Variants in NFIC observed in about 807,000 individuals in gnomAD.
NFIC encodes the protein nuclear factor 1 C-type.
Under a neutral mutation model 54.4 loss-of-function variants are expected in NFIC, and 12 were observed. The observed-to-expected ratio is 0.22, with a 90% CI of 0.14 to 0.36. The LOEUF is 0.36. NFIC is among the 10% of genes least tolerant of loss of function. The pLI, the probability that NFIC is intolerant of heterozygous loss-of-function variation, is 1.00. For synonymous variants in NFIC, 322 were observed against 319.2 expected, an observed-to-expected ratio of 1.01 and a Z score of -0.09; for missense variants, 575 against 718.2, an observed-to-expected ratio of 0.80 and a Z score of 2.28.
intron 2 of NFIC, among the ~76,000 whole-genome samples, chr19:3,394,089 G>C (rs34189175): frequency 1.3e-5 from 2 of 151,144 alleles, no homozygotes; most frequent in Non-Finnish European, 2.9e-5. Flanking sequence ...TCAGCTTCCC[G>C]AGTAGTAACA....
intron 2 of NFIC, among the ~76,000 whole-genome samples, chr19:3,384,880 C>T (rs1367112267): frequency 6.6e-6 from 1 of 152,164 alleles, no homozygotes; most frequent in Non-Finnish European, 1.5e-5. Flanking sequence ...TTCTCATCGT[C>T]ACACAGGGCC....
chr19:3,366,426 G>T, upstream of NFIC: 1 of 489,172 alleles, frequency 2.0e-6, no homozygotes, highest in South Asian at 3.0e-5. Flanking sequence ...AGAGACGGAG[G>T]GAGAGAGGGA....
rs556616330 is a variant in NFIC at position 3,464,399 on chromosome 19, C to A, written c.*1630C>A. The A allele has an allele frequency of 1.5e-3, 1,461 of 984,360 alleles. No individual in the cohort carries two copies. Among genetic ancestry groups the A allele is most frequent in the Non-Finnish European group, 1.7e-3 (1,396 of 829,032 alleles). The allele number at this position is 984,360 out of a possible 1,614,324, so 61.0% of individuals were successfully genotyped here. ...AAGCTGGGGACGCCAGGTGCCCCCC[C>A]ACCCCGGCTCCCTGGCCCTATCCAC... On this transcript the variant is annotated 3_prime_UTR_variant, in exon 11 of 11. Transcript: ENST00000443272.
At position 3,463,156 on chromosome 19, in the gene NFIC, G is replaced by C. The variant is rs1187124698; in HGVS notation, c.*387G>C. The stretch of plus-strand genomic sequence containing the variant: ...CTGCTGCTCGGGAAGGACAGACGCC[G>C]GCCGCCCGCCCGCGCCCCGGAGGCC... On this transcript the variant is annotated 3_prime_UTR_variant, in exon 11 of 11. Coordinates refer to ENST00000443272, the MANE Select transcript of NFIC (RefSeq NM_001245002.2). 4 of 1,089,120 alleles carry C rather than the reference G, an allele frequency of 3.7e-6. No individual in the cohort carries two copies. Among genetic ancestry groups the C allele is most frequent in the Middle Eastern group, 8.4e-4 (2 of 2,376 alleles). The allele number at this position is 1,089,120 out of a possible 1,614,324, so 67.5% of individuals were successfully genotyped here. A position where few individuals can be genotyped will look rare whatever the true frequency, so the allele number is the denominator to read the frequency against.
intron 2 of NFIC, among the ~76,000 whole-genome samples, chr19:3,398,814 C>A (rs748452669): frequency 2.0e-5 from 3 of 152,192 alleles, no homozygotes; most frequent in Non-Finnish European, 2.9e-5. Flanking sequence ...CGGGCCAGCG[C>A]CCAGCTGGGG....
Position 3,397,141 on chromosome 19 carries a change from G to A in NFIC, c.562+14898G>A, listed in dbSNP as rs185157101. ...CCACATTGTTGGCAGCTACCTCACCGTCTCACAACCACCCGCTGAGGTTGG... is the reference window on the plus strand; with the variant it reads ...CCACATTGTTGGCAGCTACCTCACCATCTCACAACCACCCGCTGAGGTTGG... On this transcript the variant is annotated intron_variant, in intron 2 of 10. Coordinates refer to ENST00000443272, the MANE Select transcript of NFIC (RefSeq NM_001245002.2). Among the ~76,000 whole-genome samples the A allele has an allele frequency of 5.9e-5, 9 of 152,268 alleles. No individual in the cohort carries two copies. The East Asian group carries it at 1.4e-3, about 23-fold the overall frequency.
In NFIC at chr19:3,375,743, C is replaced by T. The variant is rs370881570; in HGVS notation, c.31-5969C>T. On this transcript the variant is annotated intron_variant, in intron 1 of 10. Coordinates refer to ENST00000443272, the MANE Select transcript of NFIC (RefSeq NM_001245002.2). The surrounding 1 kb of genome is among the most constrained non-coding windows in gnomAD (Gnocchi z 4.6). ...ATAGGTGAAATCTGATGTCCTGCCC[C>T]TCCCCCCGAAGCACCCCACGGCCGG... Among the ~76,000 whole-genome samples the T allele has an allele frequency of 2.3e-3, 356 of 152,310 alleles. 2 individuals are homozygous for T. The highest frequency in any genetic ancestry group is 8.3e-3 in the African/African-American group (343 of 41,564).
At chr19:3,384,004 A>G (rs1256434176) in intron 2 of NFIC, among the ~76,000 whole-genome samples, 1 of 150,210 alleles carries the variant, frequency 6.7e-6, no homozygotes, top group Non-Finnish European at 1.5e-5. Flanking sequence ...ACGGGCTCCC[A>G]GGCTCTAGGG....
chr19:3,448,846 G>A (rs1011689356), intron 6 of NFIC, among the ~76,000 whole-genome samples, 168 bp from the exon 7 acceptor site: 4 of 152,230 alleles, frequency 2.6e-5, no homozygotes, highest in South Asian at 2.1e-4. Context: ...CTGAGCCTTC[G>A]TTTACTCCTC....
At chr19:3,386,349 G>T (rs1295405495) in intron 2 of NFIC, among the ~76,000 whole-genome samples, 1 of 121,516 alleles carries the variant, frequency 8.2e-6, no homozygotes, top group Admixed American at 1.0e-4. Context: ...TTGAGATAGG[G>T]TCTCACTCTG....
intron 6 of NFIC, among the ~76,000 whole-genome samples, chr19:3,445,706 G>A (rs1312134443): frequency 6.6e-6 from 1 of 152,204 alleles, no homozygotes; most frequent in Non-Finnish European, 1.5e-5. Flanking sequence ...CCCCTGGGCT[G>A]CAGCCATCAG....
chr19:3,414,628 TAA>T (rs2081821277), intron 2 of NFIC, among the ~76,000 whole-genome samples: 1 of 148,340 alleles, frequency 6.7e-6, no homozygotes, highest in African/African-American at 2.5e-5. Context: ...TAAAATAAAA[TAA>T]AATAAAATAA....
Position 3,369,817 on chromosome 19 carries a change from C to T in NFIC, c.30+3151C>T, listed in dbSNP as rs753189802. On this transcript the variant is annotated intron_variant, in intron 1 of 10. Coordinates refer to ENST00000443272, the MANE Select transcript of NFIC (RefSeq NM_001245002.2). This position sits in a 1 kb window ranked among gnomAD's most constrained non-coding sequence, Gnocchi z 4.3. ...GGTTTGGGGCCAAGTCCCTCTTGGC[C>T]GCAGCGTGGCGGATTCCCCGAGCCA... 2.6e-5 allele frequency among the ~76,000 whole-genome samples: 4 copies of T among 152,182 alleles called. No homozygotes were observed. Among genetic ancestry groups the T allele is most frequent in the Non-Finnish European group, 5.9e-5 (4 of 68,012 alleles).
intron 9 of NFIC, among the ~76,000 whole-genome samples, chr19:3,455,861 C>T (rs78933853): frequency 0.017 from 2,613 of 152,260 alleles, 57 homozygotes; most frequent in East Asian, 0.09. Context: ...CCCCCTTTCC[C>T]TGCACCGGGG....
intron 2 of NFIC, among the ~76,000 whole-genome samples, chr19:3,396,846 C>T (rs2145522106): frequency 6.6e-6 from 1 of 152,262 alleles, no homozygotes; most frequent in South Asian, 2.1e-4. Flanking sequence ...GTCTCAGCTA[C>T]TCGGGAGGCT....
intron 1 of NFIC, among the ~76,000 whole-genome samples, chr19:3,379,205 A>ATG (rs2081157136): frequency 6.6e-6 from 1 of 151,564 alleles, no homozygotes; most frequent in Non-Finnish European, 1.5e-5. Flanking sequence ...GATTACAGTC[A>ATG]TGCGCCACCA....
At position 3,453,935 on chromosome 19, in the gene NFIC, G is replaced by T; in HGVS notation, c.1423+19G>T. ...TCGCCTTGTAAGCACGCGGGAAGCGGTGCCCTGGTGGGGCGGATGTCCGCA... is the reference window on the plus strand; with the variant it reads ...TCGCCTTGTAAGCACGCGGGAAGCGTTGCCCTGGTGGGGCGGATGTCCGCA... On this transcript the variant is annotated intron_variant, in intron 9 of 10. Transcript: ENST00000443272. This position sits in a 1 kb window ranked among gnomAD's most constrained non-coding sequence, Gnocchi z 6.7. 1 of 1,510,536 alleles carries T rather than the reference G, an allele frequency of 6.6e-7. No individual in the cohort carries two copies. Among genetic ancestry groups the T allele is most frequent in the Non-Finnish European group, 8.8e-7 (1 of 1,131,978 alleles). 93.6% of individuals were successfully genotyped at this position (1,510,536 alleles called of 1,614,324 possible).
chr19:3,365,197 C>A (rs1451087356), upstream of NFIC, among the ~76,000 whole-genome samples: 1 of 152,218 alleles, frequency 6.6e-6, no homozygotes, highest in Non-Finnish European at 1.5e-5. Flanking sequence ...GTGCTGGTAT[C>A]TTCTGCGCCC....
At chr19:3,444,222 C>T (rs891423080) in intron 6 of NFIC, among the ~76,000 whole-genome samples, 1 of 150,620 alleles carries the variant, frequency 6.6e-6, no homozygotes, top group South Asian at 2.1e-4. Context: ...GCTGCTCCGT[C>T]GGGGTGATGA....
Sources: gnomAD v4.1 joint callset for allele counts (sites outside exome capture counted in the v4.1 genomes callset) on GRCh38, gnomAD v4.1.1 for gene constraint, Gnocchi (gnomAD v3.1) non-coding constraint, MANE v1.5 for transcripts, NCBI Gene and HGNC (gene_info 2026-07-23, HGNC 2026-07-21) for gene names.